Variants in MRPL34 observed in about 807,000 individuals in gnomAD.
MRPL34 encodes large ribosomal subunit protein bL34m.
Under a neutral mutation model 6.7 loss-of-function variants are expected in MRPL34, and 8 were observed. That is an observed-to-expected ratio of 1.20 (90% confidence interval 0.70 to 2.16). The LOEUF (loss-of-function observed/expected upper bound fraction) is 2.16. Among genes scored for constraint, MRPL34 ranks in the 30% most tolerant of loss-of-function variants. The pLI, the probability that MRPL34 is intolerant of heterozygous loss-of-function variation, is 0.00. For synonymous variants in MRPL34, 59 were observed against 55.1 expected, an observed-to-expected ratio of 1.07 and a Z score of -0.31; for missense variants, 146 against 125.5, an observed-to-expected ratio of 1.16 and a Z score of -0.78.
chr19:17,300,876 C>G, upstream of MRPL34: 1 of 1,597,796 alleles, frequency 6.3e-7, no homozygotes, highest in Non-Finnish European at 8.6e-7. Context: ...GGCCAATGAG[C>G]ACATTTCGCT....
upstream of MRPL34, among the ~76,000 whole-genome samples, chr19:17,304,666 A>C (rs2074137506): frequency 6.6e-6 from 1 of 152,174 alleles, no homozygotes; most frequent in Non-Finnish European, 1.5e-5. Flanking sequence ...ATGAACCCCA[A>C]GCTGGCACTT....
At chr19:17,303,850 G>A (rs1415858743), upstream of MRPL34, among the ~76,000 whole-genome samples, 1 of 152,162 alleles carries the variant, frequency 6.6e-6, no homozygotes, top group South Asian at 2.1e-4. Flanking sequence ...GGAAACTGAG[G>A]CTCATAAAGG....
chr19:17,299,827 G>A (rs2074109503), upstream of MRPL34, among the ~76,000 whole-genome samples: 1 of 151,744 alleles, frequency 6.6e-6, no homozygotes, highest in African/African-American at 2.4e-5. Flanking sequence ...GTTTTGCCAT[G>A]TTGTCCAAAC....
upstream of MRPL34, chr19:17,305,661 C>A: frequency 1.7e-6 from 1 of 580,498 alleles, no homozygotes; most frequent in Non-Finnish European, 3.1e-6. Context: ...TCAGAAGGCG[C>A]CGTTCGCCGG....
upstream of MRPL34, chr19:17,305,781 CT>C (rs3217329): frequency 0.67 from 791,439 of 1,184,790 alleles, 272,733 homozygotes; most frequent in African/African-American, 0.85. Flanking sequence ...CCAACGGCCT[CT>C]TTTTTGCACG....
chr19:17,302,485 C>T (rs557523118), upstream of MRPL34, among the ~76,000 whole-genome samples: 1 of 152,310 alleles, frequency 6.6e-6, no homozygotes, highest in East Asian at 1.9e-4. Context: ...GGTGAGCCCC[C>T]AGTGAGGCTC....
chr19:17,297,724 T>G, intron 1 of MRPL34: 1 of 150,588 alleles, frequency 6.6e-6, no homozygotes, highest in Non-Finnish European at 1.5e-5. Context: ...GATACTTATG[T>G]AACTTCTTTG....
intron 1 of MRPL34, chr19:17,294,581 G>A (rs1341563613): frequency 6.8e-6 from 11 of 1,608,756 alleles, no homozygotes; most frequent in Admixed American, 1.7e-5. Flanking sequence ...GCCAGCCCTA[G>A]TCCCAGCGGT....
At chr19:17,293,226 G>C (rs1188745044) in intron 1 of MRPL34, among the ~76,000 whole-genome samples, 4 of 151,406 alleles carry the variant, frequency 2.6e-5, no homozygotes, top group African/African-American at 9.7e-5. Flanking sequence ...CTCCCAAGTA[G>C]CTGGGATTAC....
chr19:17,301,497 G>A (rs1227851623), upstream of MRPL34: 1 of 1,611,706 alleles, frequency 6.2e-7, no homozygotes, highest in South Asian at 1.1e-5. Flanking sequence ...GCACGCGGCC[G>A]GGCTTGACCT....
upstream of MRPL34, among the ~76,000 whole-genome samples, chr19:17,304,463 A>T (rs2074136619): frequency 6.6e-6 from 1 of 152,212 alleles, no homozygotes; most frequent in African/African-American, 2.4e-5. Context: ...TATAGTGGTG[A>T]TGTTTTGCTA....
At chr19:17,300,193 C>A (rs1177280500), upstream of MRPL34, among the ~76,000 whole-genome samples, 1 of 151,578 alleles carries the variant, frequency 6.6e-6, no homozygotes, top group African/African-American at 2.4e-5. Flanking sequence ...CGTGAGCCAC[C>A]GCGCCCGGAT....
At chr19:17,299,560 C>CAAAAAA (rs567760409), upstream of MRPL34, among the ~76,000 whole-genome samples, 199 of 51,432 alleles carry the variant, frequency 3.9e-3, 3 homozygotes, top group Non-Finnish European at 5.6e-3. Flanking sequence ...GACTCCATCT[C>CAAAAAA]AAAAAAAAAA....
At chr19:17,300,259 G>A (rs2074111435), upstream of MRPL34, among the ~76,000 whole-genome samples, 1 of 151,830 alleles carries the variant, frequency 6.6e-6, no homozygotes, top group South Asian at 2.1e-4. Flanking sequence ...AGGCTGGAGT[G>A]CAGTGGTGTG....
At chr19:17,292,670 G>C in exon 1 of MRPL34, 1 of 1,610,610 alleles carries the variant, frequency 6.2e-7, no homozygotes. Context: ...GCTACTTCTT[G>C]TCTTCTGGAG....
At chr19:17,292,929 C>A in intron 1 of MRPL34, 1 of 1,330,452 alleles carries the variant, frequency 7.5e-7, no homozygotes. Context: ...CCCACAGCAT[C>A]CAAAAGTCCC....
chr19:17,306,137 C>A, intron 1 of MRPL34, 29 bp from the exon 2 acceptor site: 1 of 1,506,972 alleles, frequency 6.6e-7, no homozygotes, highest in Non-Finnish European at 8.9e-7. Context: ...CCCCGTCTGA[C>A]CTTTCTCGCC....
chr19:17,305,241 C>CTTTT (rs34823570), upstream of MRPL34, among the ~76,000 whole-genome samples: 3 of 121,226 alleles, frequency 2.5e-5, no homozygotes, highest in African/African-American at 3.1e-5. Context: ...ATTTTTCTTC[C>CTTTT]TTTTTTTTTT....
chr19:17,292,892 C>A, intron 1 of MRPL34: 1 of 1,544,770 alleles, frequency 6.5e-7, no homozygotes, highest in South Asian at 1.2e-5. Context: ...GGCCAGGCTT[C>A]CCTGGGACTC....
Sources: gnomAD v4.1 joint callset for allele counts (sites outside exome capture counted in the v4.1 genomes callset) on GRCh38, gnomAD v4.1.1 for gene constraint, MANE v1.5 for transcripts, NCBI Gene and HGNC (gene_info 2026-07-23, HGNC 2026-07-21) for gene names.